NADK2: variants seen among roughly 807,000 people sequenced by gnomAD.
NADK2 encodes the protein NAD kinase 2, mitochondrial.
Under a neutral mutation model 62.1 loss-of-function variants are expected in NADK2, and 35 were observed. The observed-to-expected ratio is 0.56, with a 90% confidence interval of 0.43 to 0.75. NADK2 has a LOEUF of 0.75. Ranked by LOEUF, NADK2 falls within the 30% of genes least tolerant of loss-of-function variation. The pLI is 0.00. For synonymous variants in NADK2, 205 were observed against 207.9 expected (o/e 0.99, Z 0.12); for missense variants, 439 against 561.3 (o/e 0.78, Z 2.20).
chr5:36,226,174 C>T (rs1444398469), intron 3 of NADK2, among the ~76,000 whole-genome samples: 1 of 152,140 alleles, frequency 6.6e-6, no homozygotes, highest in Non-Finnish European at 1.5e-5. Context: ...AACTCTTTAT[C>T]AACTTCATTT....
intron 8 of NADK2, among the ~76,000 whole-genome samples, chr5:36,204,620 GT>G (rs774582238): frequency 1.3e-5 from 2 of 151,888 alleles, no homozygotes; most frequent in African/African-American, 4.8e-5. Flanking sequence ...AAAGGATTAA[GT>G]TTTTTTCATA....
Position 36,241,607 on chromosome 5 carries a change from G to C in NADK2, c.192C>G (p.Gly64=). The C allele has an allele frequency of 6.7e-7, 1 of 1,498,436 alleles. No homozygotes were observed. Among genetic ancestry groups the C allele is most frequent in the Non-Finnish European group, 8.8e-7 (1 of 1,132,558 alleles). The allele number at this position is 1,498,436 out of a possible 1,614,324, so 92.8% of individuals were successfully genotyped here. ...ELAGCGSRAD[G]GFRPSRVVVV... ...CCACCACCCGGGAGGGGCGGAAGCCGCCGTCCGCGCGGCTGCCACAGCCCG... is the reference window on the plus strand; with the variant it reads ...CCACCACCCGGGAGGGGCGGAAGCCCCCGTCCGCGCGGCTGCCACAGCCCG... The change falls in exon 1 of 12, where the codon GGC becomes GGG. Residue 64 remains glycine (G), a synonymous_variant. Transcript: ENST00000381937. The surrounding 1 kb of genome is among the most constrained non-coding windows in gnomAD (Gnocchi z 4.9).
chr5:36,235,890 T>G (rs867758200), intron 1 of NADK2, among the ~76,000 whole-genome samples: 2 of 19,120 alleles, frequency 1.0e-4, no homozygotes, highest in Non-Finnish European at 9.6e-4. Context: ...GAAGAAAATA[T>G]ATATATATAT....
intron 1 of NADK2, among the ~76,000 whole-genome samples, chr5:36,235,913 T>C (rs923589765): frequency 2.0e-5 from 3 of 150,732 alleles, no homozygotes; most frequent in African/African-American, 7.3e-5. Flanking sequence ...ATATAAAAAA[T>C]AAATTTTCCT....
At chr5:36,214,509 A>T (rs1166689549) in intron 6 of NADK2, among the ~76,000 whole-genome samples, 1 of 152,188 alleles carries the variant, frequency 6.6e-6, no homozygotes, top group Non-Finnish European at 1.5e-5. Flanking sequence ...AAGAGAATAG[A>T]TTACAAAATT....
At chr5:36,208,846 A>G (rs1746738154) in intron 7 of NADK2, among the ~76,000 whole-genome samples, 1 of 152,146 alleles carries the variant, frequency 6.6e-6, no homozygotes, top group Admixed American at 6.6e-5. Context: ...AAGCCTCAAT[A>G]CAGGATCTAG....
Position 36,241,434 on chromosome 5 carries a change from G to A in NADK2, c.300+65C>T, listed in dbSNP as rs1748116496. The A allele has an allele frequency of 4.1e-6, 6 of 1,465,294 alleles. No individual in the cohort carries two copies. In the Admixed American group the frequency reaches 1.4e-4, roughly 34 times the overall value. The allele number at this position is 1,465,294 out of a possible 1,614,324, so 90.8% of individuals were successfully genotyped here. Reference sequence around the variant, plus strand: ...GTCGTCCCGAGAGGTCCCCCCGAGGGGGCGCAGCCGCCACCAGAGCCCCGG... The same window carrying A: ...GTCGTCCCGAGAGGTCCCCCCGAGGAGGCGCAGCCGCCACCAGAGCCCCGG... On this transcript the variant is annotated intron_variant, in intron 1 of 11. Transcript: ENST00000381937. This position sits in a 1 kb window ranked among gnomAD's most constrained non-coding sequence, Gnocchi z 4.9.
chr5:36,226,077 A>G (rs1747470950), intron 3 of NADK2, among the ~76,000 whole-genome samples: 1 of 152,212 alleles, frequency 6.6e-6, no homozygotes, highest in Non-Finnish European at 1.5e-5. Flanking sequence ...TAGAAACAGT[A>G]GCCATTAACT....
At chr5:36,225,489 A>T (rs1747447383) in intron 4 of NADK2, 53 bp downstream of exon 4, 1 of 1,478,332 alleles carries the variant, frequency 6.8e-7, no homozygotes, top group African/African-American at 1.4e-5. Flanking sequence ...CCTAAAAAAA[A>T]ACTTAAAAAG....
chr5:36,216,809 G>A (rs1747061725), intron 6 of NADK2, among the ~76,000 whole-genome samples: 2 of 152,122 alleles, frequency 1.3e-5, no homozygotes, highest in African/African-American at 4.8e-5. Context: ...TTCTTTCAGT[G>A]AGGGATTAAA....
intron 6 of NADK2, among the ~76,000 whole-genome samples, chr5:36,213,401 A>G (rs1033149499): frequency 6.6e-6 from 1 of 152,014 alleles, no homozygotes; most frequent in African/African-American, 2.4e-5. Context: ...CCTAATTATT[A>G]TATTCTTCTG....
At chr5:36,231,569 C>T (rs1472189203) in intron 1 of NADK2, among the ~76,000 whole-genome samples, 1 of 152,138 alleles carries the variant, frequency 6.6e-6, no homozygotes, top group Non-Finnish European at 1.5e-5. Flanking sequence ...ACTTAATAAA[C>T]AGCATCAATT....
rs552937737 is a variant in NADK2 at position 36,219,833 on chromosome 5, T to G, written c.561-154A>C. ...TATTCCATTTTTTGCCACAAAATTG[T>G]GTTCTTTAAATAAAAACAAAAAAGA... On this transcript the variant is annotated intron_variant, in intron 4 of 11. Transcript: ENST00000381937. 1.2e-4 allele frequency among the ~76,000 whole-genome samples: 19 copies of G among 152,336 alleles called. No individual in the cohort carries two copies. In the East Asian group the frequency reaches 3.7e-3, roughly 29 times the overall value.
intron 4 of NADK2, among the ~76,000 whole-genome samples, chr5:36,222,499 C>G (rs1379712317): frequency 6.6e-6 from 1 of 152,186 alleles, no homozygotes; most frequent in African/African-American, 2.4e-5. Context: ...AAGAATGTGT[C>G]ATGCCTGTGG....
intron 1 of NADK2, among the ~76,000 whole-genome samples, chr5:36,235,210 TA>T (rs531982046): frequency 9.2e-5 from 14 of 152,244 alleles, no homozygotes; most frequent in East Asian, 3.9e-4. Flanking sequence ...AAATTTTGGT[TA>T]AAAAAACACT....
In NADK2 at chr5:36,195,346, A is replaced by C. The variant is rs11952882; in HGVS notation, c.1191-64T>G. On this transcript the variant is annotated intron_variant, in intron 11 of 11. Transcript: ENST00000381937. ...TTCTTAATAGGTTATTTTAATCCTG[A>C]ATTTTAACCTAGCAGATCATTTGGC... 8.2e-4 allele frequency: 1,199 copies of C among 1,467,314 alleles called. 11 individuals carry two copies. In the African/African-American group the frequency reaches 0.016, roughly 19 times the overall value. 90.9% of individuals were successfully genotyped at this position (1,467,314 alleles called of 1,614,324 possible). A position where few individuals can be genotyped will look rare whatever the true frequency, so the allele number is the denominator to read the frequency against.
intron 8 of NADK2, among the ~76,000 whole-genome samples, chr5:36,206,663 C>G (rs950369571): frequency 3.1e-4 from 47 of 152,028 alleles, no homozygotes; most frequent in African/African-American, 1.1e-3. Context: ...AACATCCTAT[C>G]TGGCATGTAA....
At chr5:36,198,196 A>C (rs1417695462) in intron 10 of NADK2, among the ~76,000 whole-genome samples, 10 of 152,042 alleles carry the variant, frequency 6.6e-5, no homozygotes. Context: ...TCTAATCAAG[A>C]GGTACAGGAG....
At chr5:36,232,432 T>A (rs1185626641) in intron 1 of NADK2, among the ~76,000 whole-genome samples, 1 of 152,192 alleles carries the variant, frequency 6.6e-6, no homozygotes, top group Non-Finnish European at 1.5e-5. Context: ...CCACTAGGCA[T>A]AATTTAGGCA....
Sources: allele counts gnomAD v4.1 joint callset (sites outside exome capture counted in the v4.1 genomes callset), GRCh38; gene constraint gnomAD v4.1.1; non-coding constraint Gnocchi (gnomAD v3.1); transcripts MANE v1.5; gene names NCBI Gene and HGNC (gene_info 2026-07-23, HGNC 2026-07-21).